GZMH: variants seen among roughly 807,000 people sequenced by gnomAD.
GZMH encodes cathepsin G-like 2, protein h-CCPX.
GZMH carries 24 observed loss-of-function variants against 20.7 expected under a neutral mutation model. The ratio of observed to expected loss-of-function variants is 1.16; its 90% CI spans 0.84 to 1.63. The LOEUF (loss-of-function observed/expected upper bound fraction) is 1.63. Ranked by LOEUF, GZMH falls within the 40% of genes most tolerant of loss-of-function variation. The pLI is 0.00. For synonymous variants in GZMH, 119 were observed against 116.1 expected (o/e 1.02, Z -0.16); for missense variants, 344 against 302.7 (o/e 1.14, Z -1.01).
intron 4 of GZMH, 66 bp from the exon 5 acceptor site, chr14:24,606,812 T>C: frequency 6.9e-7 from 1 of 1,453,552 alleles, no homozygotes; most frequent in South Asian, 1.2e-5. Flanking sequence ...GTTATGGATT[T>C]TGTGTGACAT....
intron 2 of GZMH, 136 bp from the exon 3 acceptor site, chr14:24,607,883 C>A: frequency 7.9e-7 from 1 of 1,261,192 alleles, no homozygotes; most frequent in East Asian, 2.4e-5. Context: ...GGCTCCAGGG[C>A]TGAGTGACTG....
rs1239634082 is a variant in GZMH, at chr14:24,606,511, G to A, written c.*92C>T. 3 of 1,127,746 alleles carry A rather than the reference G, an allele frequency of 2.7e-6. No homozygotes were observed. Among genetic ancestry groups the A allele is most frequent in the Non-Finnish European group, 3.9e-6 (3 of 775,916 alleles). 69.9% of individuals were successfully genotyped at this position (1,127,746 alleles called of 1,614,324 possible). Reference sequence around the variant, plus strand: ...TTACACCAGAGATCCATTTATTACAGTCCTGCAACCCCGACTGCCCACCCC... The same window carrying A: ...TTACACCAGAGATCCATTTATTACAATCCTGCAACCCCGACTGCCCACCCC... On this transcript the variant is annotated 3_prime_UTR_variant, in exon 5 of 5. Transcript: ENST00000216338.
intron 2 of GZMH, 32 bp from the exon 3 acceptor site, chr14:24,607,779 G>C: frequency 1.2e-6 from 2 of 1,614,078 alleles, no homozygotes; most frequent in Non-Finnish European, 1.7e-6. Context: ...GATGGGGGTG[G>C]AGTCACAGGG....
chr14:24,608,536 C>T (rs976698056), intron 1 of GZMH, 124 bp from the exon 2 acceptor site: 3 of 1,025,816 alleles, frequency 2.9e-6, no homozygotes, highest in Admixed American at 3.9e-5. Flanking sequence ...AGGGGTCCTC[C>T]TGAGCTCTGC....
At chr14:24,609,441 A>G (rs1364554124) in intron 1 of GZMH, 118 bp downstream of exon 1, 1 of 603,164 alleles carries the variant, frequency 1.7e-6, no homozygotes, top group African/African-American at 1.9e-5. Context: ...CAGATTTATA[A>G]GTCTGGGTGT....
At chr14:24,608,736 T>C (rs2066890815) in intron 1 of GZMH, among the ~76,000 whole-genome samples, 1 of 152,238 alleles carries the variant, frequency 6.6e-6, no homozygotes, top group Non-Finnish European at 1.5e-5. Flanking sequence ...TCCTCCTTTT[T>C]AGTGAGTCTC....
chr14:24,607,825 C>A, intron 2 of GZMH, 78 bp from the exon 3 acceptor site: 2 of 1,604,636 alleles, frequency 1.2e-6, no homozygotes, highest in Non-Finnish European at 1.7e-6. Context: ...CAGATGACAG[C>A]TGTGGCAGGG....
Position 24,607,271 on chromosome 14 carries a change from G to A in GZMH, c.475C>T (p.Leu159=). The change falls in exon 4 of 5, where the codon CTG becomes TTG. Residue 159 remains leucine, a synonymous_variant. Transcript: ENST00000216338. ...YVSMSTLATT[L]QEVLLTVQKD... is the part of the protein sequence containing the mutation. ...TGCACTGTCAGCAACACTTCCTGCA[G>A]TGTGGTTGCTAAAGTGCTCATTGAG... 1 of 1,614,126 alleles carries A rather than the reference G, an allele frequency of 6.2e-7. No individual in the cohort carries two copies. Among genetic ancestry groups the A allele is most frequent in the Non-Finnish European group, 8.5e-7 (1 of 1,180,034 alleles).
rs2066886664 is a variant in GZMH at position 24,608,261 on chromosome 14, T to C, written c.203+4A>G. 6.2e-7 allele frequency: 1 copy of C among 1,614,062 alleles called. No individual in the cohort carries two copies. The highest frequency in any genetic ancestry group is 1.3e-5 in the African/African-American group (1 of 75,052). ...TCAGGAGGTGAGCTGGTGCTGCTCC[T>C]TACCTTCCCTGGCAGTGAGCAGCTG... On this transcript the variant is annotated splice_donor_region_variant and intron_variant, in intron 2 of 4. Coordinates refer to ENST00000216338, the MANE Select transcript of GZMH (RefSeq NM_033423.5).
Position 24,609,644 on chromosome 14 carries a change from G to C in GZMH, c.-31C>G. ...CAGGAAGGCTGCCCAGGTCAGAGCT[G>C]TTGGTGTTGACTCCTTCCAGAAACA... On this transcript the variant is annotated 5_prime_UTR_variant, in exon 1 of 5. Transcript: ENST00000216338. 6.3e-7 allele frequency: 1 copy of C among 1,574,914 alleles called. No homozygotes were observed. Among genetic ancestry groups the C allele is most frequent in the Non-Finnish European group, 8.7e-7 (1 of 1,149,276 alleles).
chr14:24,606,611 G>A lies in GZMH; in HGVS notation c.733C>T (p.Arg245Cys), dbSNP rs201578280. 3.9e-5 allele frequency: 63 copies of A among 1,612,942 alleles called. No homozygotes were observed. In the Middle Eastern group the frequency reaches 4.9e-4, roughly 13 times the overall value. The stretch of plus-strand genomic sequence containing the variant: ...TAGTCTCATGCCTGCTGTTAGAGGC[G>A]CTTCATTGTTCTCTTTATCCAGGGC... ...FLPWIKRTMK[R>C]L is the part of the protein sequence containing the mutation. Residue 245 changes from arginine to cysteine, a missense_variant, in exon 5 of 5, where the codon CGC (arginine) becomes TGC (cysteine). By Grantham distance (180) the Arg-to-Cys change is radical. Coordinates refer to ENST00000216338, the MANE Select transcript of GZMH (RefSeq NM_033423.5).
chr14:24,608,155 T>A (rs1199468738), intron 2 of GZMH, 110 bp downstream of exon 2: 3 of 1,192,800 alleles, frequency 2.5e-6, no homozygotes, highest in South Asian at 1.4e-5. Flanking sequence ...TGAGCTTTCA[T>A]GGGCTTGTGT....
chr14:24,609,596 G>A lies in GZMH; in HGVS notation c.18C>T (p.Leu6=). The A allele has an allele frequency of 3.1e-6, 5 of 1,611,206 alleles. No homozygotes were observed. Among genetic ancestry groups the A allele is most frequent in the Non-Finnish European group, 4.2e-6 (5 of 1,178,598 alleles). The change falls in exon 1 of 5, where the codon CTC becomes CTT. Residue 6 remains leucine, a synonymous_variant. Coordinates refer to ENST00000216338, the MANE Select transcript of GZMH (RefSeq NM_033423.5). ...CAGGGGTCAGAAGAAAGGCCAACAG[G>A]AGGAGGAATGGCTGCATTTTCTCAG... MQPFL[L]LLAFLLTPGA...
intron 4 of GZMH, 108 bp from the exon 5 acceptor site, chr14:24,606,854 C>T: frequency 2.9e-6 from 3 of 1,029,104 alleles, no homozygotes; most frequent in Non-Finnish European, 4.4e-6. Flanking sequence ...ACTCACCTCC[C>T]TCAGTCCTGG....
intron 1 of GZMH, among the ~76,000 whole-genome samples, chr14:24,609,092 A>G (rs543242279): frequency 1.3e-5 from 2 of 152,324 alleles, no homozygotes; most frequent in East Asian, 3.9e-4. Context: ...TGGGAGAGCT[A>G]TGGACACAGT....
rs1318630026 is a variant in GZMH, at chr14:24,607,594, G to A, written c.339+18C>T. The A allele has an allele frequency of 1.2e-6, 2 of 1,611,688 alleles. No individual in the cohort carries two copies. Among genetic ancestry groups the A allele is most frequent in the Non-Finnish European group, 1.7e-6 (2 of 1,179,494 alleles). ...CAACTGGACCAAGAAGAGCAAGAGT[G>A]GCAGGAGTGTGCCTCACCTGCAGTA... is the stretch of plus-strand genomic sequence containing the variant. On this transcript the variant is annotated intron_variant, in intron 3 of 4. Transcript: ENST00000216338.
At chr14:24,607,025 A>AG in intron 4 of GZMH, 124 bp downstream of exon 4, 1 of 1,027,876 alleles carries the variant, frequency 9.7e-7, no homozygotes, top group South Asian at 1.5e-5. Context: ...ACTAGATTCC[A>AG]GGGGGACACA....
Position 24,607,441 on chromosome 14 carries a change from C to A in GZMH, c.340-35G>T, listed in dbSNP as rs1475696558. Reference sequence around the variant, plus strand: ...AAGAAGCAAGAAAGTCCAGGTCAGGCAATGGCCTTCTGGGCCCCGACACAG... The same window carrying A: ...AAGAAGCAAGAAAGTCCAGGTCAGGAAATGGCCTTCTGGGCCCCGACACAG... On this transcript the variant is annotated intron_variant, in intron 3 of 4. Coordinates refer to ENST00000216338, the MANE Select transcript of GZMH (RefSeq NM_033423.5). 4.4e-6 allele frequency: 7 copies of A among 1,576,456 alleles called. No homozygotes were observed. The Admixed American group carries it at 1.2e-4, about 27-fold the overall frequency.
In GZMH at chr14:24,607,755, G is replaced by C. The variant is rs1463672598; in HGVS notation, c.204-8C>G. On this transcript the variant is annotated splice_region_variant and splice_polypyrimidine_tract_variant and intron_variant, in intron 2 of 4. Transcript: ENST00000216338. ...AAGGTGACATTTATGGAGCTGCACAGAGAGCAGAGTGAGGATGGGGGTGGA... is the reference window on the plus strand; with the variant it reads ...AAGGTGACATTTATGGAGCTGCACACAGAGCAGAGTGAGGATGGGGGTGGA... The C allele has an allele frequency of 6.2e-7, 1 of 1,614,170 alleles. No homozygotes were observed. The highest frequency in any genetic ancestry group is 1.3e-5 in the African/African-American group (1 of 75,058).
Sources: allele counts gnomAD v4.1 joint callset (sites outside exome capture counted in the v4.1 genomes callset), GRCh38; gene constraint gnomAD v4.1.1; transcripts MANE v1.5; gene names NCBI Gene and HGNC (gene_info 2026-07-23, HGNC 2026-07-21).